The following TRAF3IP2 variants were observed in gnomAD, a reference collection of about 807,000 sequenced individuals.
The protein encoded by TRAF3IP2 is TRAF3 interacting protein 2, also known as E3 ubiquitin ligase TRAF3IP2.
Under a neutral mutation model 57.9 loss-of-function variants are expected in TRAF3IP2, and 35 were observed. The observed-to-expected ratio is 0.60, with a 90% confidence interval of 0.46 to 0.80. The LOEUF (loss-of-function observed/expected upper bound fraction) is 0.80, where lower values mean the gene tolerates loss of function less well. Ranked by LOEUF, TRAF3IP2 falls within the 30% of genes least tolerant of loss-of-function variation. The probability of loss-of-function intolerance (pLI) is 0.00; values close to 1 mark genes in which losing one functional copy is unlikely to be tolerated. For missense variants in TRAF3IP2, 556 were observed against 706.4 expected, an observed-to-expected ratio of 0.79 and a Z score of 2.41; for synonymous variants, 251 against 268.9, an observed-to-expected ratio of 0.93 and a Z score of 0.65.
chr6:111,592,140 T>G, intron 1 of TRAF3IP2, 46 bp from the exon 2 acceptor site: 1 of 1,517,648 alleles, frequency 6.6e-7, no homozygotes, highest in East Asian at 2.3e-5. Flanking sequence ...ACAGATAAAT[T>G]CTTGGAGTCC....
chr6:111,561,915 A>AG (rs1479481072), intron 8 of TRAF3IP2, among the ~76,000 whole-genome samples: 2 of 152,210 alleles, frequency 1.3e-5, no homozygotes, highest in Admixed American at 6.5e-5. Context: ...AAGGCAGCGC[A>AG]GGGAGGATAG....
At chr6:111,578,984 T>G (rs1037035424) in intron 3 of TRAF3IP2, among the ~76,000 whole-genome samples, 2 of 152,110 alleles carry the variant, frequency 1.3e-5, no homozygotes, top group Non-Finnish European at 2.9e-5. Context: ...CCTATATATT[T>G]TAGATCCATA....
chr6:111,591,333 G>A lies in TRAF3IP2; in HGVS notation c.754C>T (p.Pro252Ser). 1 of 1,521,084 alleles carries A rather than the reference G, an allele frequency of 6.6e-7. No homozygotes were observed. The highest frequency in any genetic ancestry group is 8.8e-7 in the Non-Finnish European group (1 of 1,136,398). The allele number at this position is 1,521,084 out of a possible 1,614,324, so 94.2% of individuals were successfully genotyped here. The change falls in exon 2 of 9, where the codon CCT (proline) becomes TCT (serine). Residue 252 changes from proline (P) to serine (S), a missense_variant. Around this residue, in one of 2 missense-constraint regions of TRAF3IP2, gnomAD observed 428 missense variants for 498.7 expected, o/e 0.86. Coordinates refer to ENST00000368761, the MANE Select transcript of TRAF3IP2 (RefSeq NM_147686.4). The surrounding 1 kb of genome is among the most constrained non-coding windows in gnomAD (Gnocchi z 4.9). ...GGAGCATGTGGGGAAAGATTGGGAG[G>A]CAGCATCTGTGCACATGCTGGATAC... Reference protein sequence around the residue: ...QRYPACAQMLPPNLSPHAPWN... With the variant: ...QRYPACAQMLSPNLSPHAPWN...
chr6:111,568,295 G>T (rs1795715196), intron 5 of TRAF3IP2, among the ~76,000 whole-genome samples: 1 of 152,174 alleles, frequency 6.6e-6, no homozygotes, highest in African/African-American at 2.4e-5. Flanking sequence ...AGAACTCTTA[G>T]GCCTTGAAAA....
Position 111,566,514 on chromosome 6 carries a change from T to C in TRAF3IP2, c.1406A>G (p.Asp469Gly). Residue 469 changes from aspartate (D) to glycine (G), a missense_variant, in exon 7 of 9, where the codon GAC becomes GGC. Asp to Gly is a moderately conservative substitution (Grantham distance 94). This residue lies in a region of TRAF3IP2 where 128 missense variants were observed against 207.7 expected (regional missense o/e 0.62). Coordinates refer to ENST00000368761, the MANE Select transcript of TRAF3IP2 (RefSeq NM_147686.4). ...CAGCTGCGACTCAGCGCCTTCCACG[T>C]CCTGTTTGTATTTGGGGCTGATTGC... is the stretch of plus-strand genomic sequence containing the variant. ...IVAISPKYKQ[D>G]VEGAESQLDE... 6.2e-7 allele frequency: 1 copy of C among 1,614,196 alleles called. No individual in the cohort carries two copies. The highest frequency in any genetic ancestry group is 2.2e-5 in the East Asian group (1 of 44,882).
chr6:111,580,368 G>A lies in TRAF3IP2; in HGVS notation c.851C>T (p.Ala284Val). Residue 284 changes from alanine to valine, a missense_variant, in exon 3 of 9, where the codon GCA (alanine) becomes GTA (valine). Transcript: ENST00000368761. Reference sequence around the variant, plus strand: ...CGGCTGGATCACTTGCTGGTAGGCTGCTCGAGGGTAGTCATGGCCATCTGT... The same window carrying A: ...CGGCTGGATCACTTGCTGGTAGGCTACTCGAGGGTAGTCATGGCCATCTGT... ...QVPYGHDYPRAAYQQVIQPAL... is the reference protein window; with the variant it reads ...QVPYGHDYPRVAYQQVIQPAL... 6.4e-7 allele frequency: 1 copy of A among 1,566,550 alleles called. No homozygotes were observed. The highest frequency in any genetic ancestry group is 1.2e-5 in the South Asian group (1 of 83,102).
intron 5 of TRAF3IP2, chr6:111,572,681 C>T (rs1363531289): frequency 1.8e-6 from 1 of 555,584 alleles, no homozygotes; most frequent in Non-Finnish European, 3.2e-6. Context: ...CTTGGGGTCA[C>T]TCAAACAGCA....
Position 111,558,495 on chromosome 6 carries a change from T to G in TRAF3IP2, c.*910A>C, listed in dbSNP as rs957207763. 8 of 152,364 alleles carry G rather than the reference T, an allele frequency of 5.3e-5. No individual in the cohort carries two copies. Among genetic ancestry groups the G allele is most frequent in the African/African-American group, 1.7e-4 (7 of 41,578 alleles). 9.4% of individuals were successfully genotyped at this position (152,364 alleles called of 1,614,324 possible). ...TCTCCCAAGCTAGAGTGCAGTGACATGATCTCGGCTCACTGCAACCTCTGC... is the reference window on the plus strand; with the variant it reads ...TCTCCCAAGCTAGAGTGCAGTGACAGGATCTCGGCTCACTGCAACCTCTGC... On this transcript the variant is annotated 3_prime_UTR_variant, in exon 9 of 9. Coordinates refer to ENST00000368761, the MANE Select transcript of TRAF3IP2 (RefSeq NM_147686.4).
At chr6:111,586,235 C>CT (rs77088771) in intron 2 of TRAF3IP2, among the ~76,000 whole-genome samples, 3,423 of 145,152 alleles carry the variant, frequency 0.024, 39 homozygotes, top group South Asian at 0.068. Context: ...AATCCCTCCC[C>CT]TTTTTTTTTT....
Position 111,566,572 on chromosome 6 carries a change from A to C in TRAF3IP2, c.1360-12T>G, listed in dbSNP as rs1176389468. ...ATCATCACGGTCTTCTGTTAATGAG[A>C]GGGAGAAAGGCATGTTTATGGAAGT... On this transcript the variant is annotated splice_polypyrimidine_tract_variant and intron_variant, in intron 6 of 8. Coordinates refer to ENST00000368761, the MANE Select transcript of TRAF3IP2 (RefSeq NM_147686.4). 1.9e-6 allele frequency: 3 copies of C among 1,607,914 alleles called. No individual in the cohort carries two copies. In the Admixed American group the frequency reaches 5.0e-5, roughly 27 times the overall value.
At chr6:111,583,919 A>G (rs1796251853) in intron 2 of TRAF3IP2, among the ~76,000 whole-genome samples, 1 of 152,208 alleles carries the variant, frequency 6.6e-6, no homozygotes, top group Non-Finnish European at 1.5e-5. Context: ...TAGGAAGGAG[A>G]AACACAAGGT....
chr6:111,564,581 G>C (rs1015625789), intron 7 of TRAF3IP2, among the ~76,000 whole-genome samples: 5 of 152,180 alleles, frequency 3.3e-5, no homozygotes, highest in African/African-American at 1.2e-4. Flanking sequence ...AGTTCTTGTT[G>C]TTCCAGGGTT....
chr6:111,578,064 T>C (rs1407384100), intron 3 of TRAF3IP2, among the ~76,000 whole-genome samples: 1 of 152,180 alleles, frequency 6.6e-6, no homozygotes, highest in Non-Finnish European at 1.5e-5. Flanking sequence ...ATAAAATAGA[T>C]CAAGAAGATC....
At chr6:111,561,382 G>A in intron 8 of TRAF3IP2, among the ~76,000 whole-genome samples, 1 of 151,884 alleles carries the variant, frequency 6.6e-6, no homozygotes, top group Non-Finnish European at 1.5e-5. Flanking sequence ...AGAGGTTGCA[G>A]TGAGCCGAGA....
chr6:111,559,022 G>A lies in TRAF3IP2; in HGVS notation c.*383C>T, dbSNP rs1166154639. 5.9e-6 allele frequency: 1 copy of A among 168,442 alleles called. No individual in the cohort carries two copies. The highest frequency in any genetic ancestry group is 1.6e-4 in the East Asian group (1 of 6,128). 10.4% of individuals were successfully genotyped at this position (168,442 alleles called of 1,614,324 possible). ...ACAAGCATCTGGCTAACTCATAAAA[G>A]TAGCCTGAAGTGATTGATAGGAGAG... On this transcript the variant is annotated 3_prime_UTR_variant, in exon 9 of 9. Transcript: ENST00000368761.
At chr6:111,564,541 A>T (rs1040894929) in intron 7 of TRAF3IP2, among the ~76,000 whole-genome samples, 1 of 152,220 alleles carries the variant, frequency 6.6e-6, no homozygotes, top group Admixed American at 6.5e-5. Flanking sequence ...GTTACTCATC[A>T]GTACCTCTGC....
intron 1 of TRAF3IP2, among the ~76,000 whole-genome samples, chr6:111,595,972 C>T (rs542226617): frequency 8.5e-5 from 13 of 152,150 alleles, no homozygotes; most frequent in Admixed American, 7.2e-4. Flanking sequence ...CCACGACCGG[C>T]GTCCCAGGGC....
At chr6:111,570,540 G>A (rs888798667) in intron 5 of TRAF3IP2, among the ~76,000 whole-genome samples, 2 of 152,122 alleles carry the variant, frequency 1.3e-5, no homozygotes, top group African/African-American at 2.4e-5. Flanking sequence ...AGCTGTCCAG[G>A]ACCGGGCTCT....
chr6:111,559,501 C>A lies in TRAF3IP2; in HGVS notation c.1602G>T (p.Lys534Asn), dbSNP rs1253951297. The A allele has an allele frequency of 1.2e-6, 2 of 1,614,130 alleles. No homozygotes were observed. The highest frequency in any genetic ancestry group is 1.1e-5 in the South Asian group (1 of 91,086). ...LQNTHVYSWP[K>N]NKKNILLRLL... Reference sequence around the variant, plus strand: ...GCCGCAGCAGGATGTTTTTTTTATTCTTGGGCCAGCTGTAGACATGAGTGT... The same window carrying A: ...GCCGCAGCAGGATGTTTTTTTTATTATTGGGCCAGCTGTAGACATGAGTGT... The change falls in exon 9 of 9, where the codon AAG becomes AAT. Residue 534 changes from lysine (K) to asparagine (N), a missense_variant. Around this residue, in one of 2 missense-constraint regions of TRAF3IP2, gnomAD observed 128 missense variants for 207.7 expected, o/e 0.62. Coordinates refer to ENST00000368761, the MANE Select transcript of TRAF3IP2 (RefSeq NM_147686.4).
Sources: gnomAD v4.1 joint callset for allele counts (sites outside exome capture counted in the v4.1 genomes callset) on GRCh38, gnomAD v4.1.1 for gene constraint, gnomAD v4.1.1 regional missense constraint, Gnocchi (gnomAD v3.1) non-coding constraint, MANE v1.5 for transcripts, NCBI Gene and HGNC (gene_info 2026-07-23, HGNC 2026-07-21) for gene names.